Variants in PTPRN2 observed in about 807,000 individuals in gnomAD.
The protein encoded by PTPRN2 is receptor-type tyrosine-protein phosphatase N2.
In PTPRN2, 74 loss-of-function variants were observed where a neutral mutation model predicts 118.8. The observed-to-expected ratio is 0.62, with a 90% CI of 0.52 to 0.76. The LOEUF (loss-of-function observed/expected upper bound fraction) is 0.76. Among genes scored for constraint, PTPRN2 ranks in the 30% least tolerant of loss-of-function variants. The pLI, the probability that PTPRN2 is intolerant of heterozygous loss-of-function variation, is 0.00. For synonymous variants in PTPRN2, 641 were observed against 608.0 expected, an observed-to-expected ratio of 1.05 and a Z score of -0.80; for missense variants, 1,481 against 1,394.4, an observed-to-expected ratio of 1.06 and a Z score of -0.99.
chr7:158,430,887 A>AC (rs1488417061), intron 2 of PTPRN2, among the ~76,000 whole-genome samples: 1 of 151,692 alleles, frequency 6.6e-6, no homozygotes, highest in South Asian at 2.1e-4. Flanking sequence ...CTGGACGGAG[A>AC]CCCCCAGGCA....
intron 2 of PTPRN2, among the ~76,000 whole-genome samples, chr7:158,452,011 A>C (rs1053740483): frequency 6.6e-6 from 1 of 152,182 alleles, no homozygotes; most frequent in Non-Finnish European, 1.5e-5. Context: ...CCAAATCATT[A>C]CTGAATAATA....
chr7:157,557,552 C>A (rs6962994), intron 21 of PTPRN2, among the ~76,000 whole-genome samples: 2 of 149,626 alleles, frequency 1.3e-5, no homozygotes, highest in South Asian at 2.1e-4. Flanking sequence ...ACACACACTC[C>A]CACACACACA....
chr7:158,317,126 C>T (rs965897029), intron 2 of PTPRN2, among the ~76,000 whole-genome samples, 194 bp from the exon 3 acceptor site: 4 of 152,064 alleles, frequency 2.6e-5, no homozygotes, highest in East Asian at 1.9e-4. Flanking sequence ...CCGAGCATCA[C>T]GGAAAACACA....
At chr7:157,790,113 G>GGT (rs1288307652) in intron 12 of PTPRN2, among the ~76,000 whole-genome samples, 4 of 139,782 alleles carry the variant, frequency 2.9e-5, no homozygotes, top group African/African-American at 1.1e-4. Flanking sequence ...TGTGTATGGT[G>GGT]GTGTGTGTGT....
rs979654589 is a variant in PTPRN2 at position 157,800,951 on chromosome 7, CA to C, written c.1788+97721del. Among the ~76,000 whole-genome samples, 9 of 148,514 alleles carry C rather than the reference CA, an allele frequency of 6.1e-5. No homozygotes were observed. In the South Asian group the frequency reaches 6.4e-4, roughly 11 times the overall value. On this transcript the variant is annotated intron_variant, in intron 12 of 22. Coordinates refer to ENST00000389418, the MANE Select transcript of PTPRN2 (RefSeq NM_002847.5). Reference sequence around the variant, plus strand: ...TGGGCAACAGAGAGAGACTCCGTTTCAAAAAAAATATATATATACATATATA... The same window carrying C: ...TGGGCAACAGAGAGAGACTCCGTTTCAAAAAAATATATATATACATATATA...
intron 12 of PTPRN2, among the ~76,000 whole-genome samples, chr7:157,699,824 C>G (rs1008342574): frequency 6.6e-6 from 1 of 152,192 alleles, no homozygotes; most frequent in African/African-American, 2.4e-5. Context: ...GTGACTCACC[C>G]TCAGCTGCCA....
intron 14 of PTPRN2, among the ~76,000 whole-genome samples, chr7:157,624,068 G>A (rs1028769669): frequency 6.6e-6 from 1 of 152,136 alleles, no homozygotes; most frequent in Non-Finnish European, 1.5e-5. Flanking sequence ...TACCACGGGA[G>A]CTTAGTACAG....
At chr7:158,571,106 CT>C (rs1171003834) in intron 1 of PTPRN2, among the ~76,000 whole-genome samples, 1 of 152,140 alleles carries the variant, frequency 6.6e-6, no homozygotes, top group Non-Finnish European at 1.5e-5. Flanking sequence ...TTTCCAAGCC[CT>C]GTGGCAAGGC....
rs1376498381 is a variant in PTPRN2, at chr7:158,171,340, TATATATATAC to T, written c.550-4059_550-4050del. 2.2e-4 allele frequency among the ~76,000 whole-genome samples: 26 copies of T among 120,358 alleles called. 3 individuals are homozygous for T. The highest frequency in any genetic ancestry group is 9.0e-4 in the African/African-American group (26 of 29,000). 79.0% of individuals were successfully genotyped at this position (120,358 alleles called of 152,430 possible). On this transcript the variant is annotated intron_variant, in intron 5 of 22. Transcript: ENST00000389418. Reference sequence around the variant, plus strand: ...ATATATATATATATATATATATATATATATATATACACACACACATTTTTTTAAGACATAG... The same window carrying T: ...ATATATATATATATATATATATATATACACACACATTTTTTTAAGACATAG...
chr7:158,241,105 A>G (rs1170668974), intron 3 of PTPRN2, among the ~76,000 whole-genome samples: 1 of 152,254 alleles, frequency 6.6e-6, no homozygotes, highest in East Asian at 1.9e-4. Context: ...GAAGCATCAA[A>G]GTGTTCTTGG....
At chr7:158,325,004 G>T (rs149471993) in intron 2 of PTPRN2, among the ~76,000 whole-genome samples, 2 of 151,326 alleles carry the variant, frequency 1.3e-5, no homozygotes, top group Non-Finnish European at 2.9e-5. Context: ...CACTCACTGC[G>T]TTACCCCACA....
chr7:158,103,992 G>C (rs1232837654), intron 10 of PTPRN2, among the ~76,000 whole-genome samples: 4 of 151,892 alleles, frequency 2.6e-5, no homozygotes, highest in Non-Finnish European at 5.9e-5. Flanking sequence ...CTCCCAAGTA[G>C]CTGGGATTAC....
Position 157,987,357 on chromosome 7 carries a change from T to C in PTPRN2, c.1724-88620A>G, listed in dbSNP as rs1803880708. Among the ~76,000 whole-genome samples, 1 of 131,398 alleles carries C rather than the reference T, an allele frequency of 7.6e-6. No homozygotes were observed. Among genetic ancestry groups the C allele is most frequent in the African/African-American group, 2.9e-5 (1 of 34,080 alleles). The allele number at this position is 131,398 out of a possible 152,430, so 86.2% of individuals were successfully genotyped here. On this transcript the variant is annotated intron_variant, in intron 11 of 22. Coordinates refer to ENST00000389418, the MANE Select transcript of PTPRN2 (RefSeq NM_002847.5). The surrounding 1 kb of genome is among the most constrained non-coding windows in gnomAD (Gnocchi z 4.3). Reference sequence around the variant, plus strand: ...GAAAGGGGGCGTGATGACCAGTCACTAGTGGGGGTGAGACAACCGGTCACT... The same window carrying C: ...GAAAGGGGGCGTGATGACCAGTCACCAGTGGGGGTGAGACAACCGGTCACT...
At chr7:157,701,859 T>C (rs192593843) in intron 12 of PTPRN2, among the ~76,000 whole-genome samples, 1,897 of 148,394 alleles carry the variant, frequency 0.013, 21 homozygotes, top group Non-Finnish European at 0.021. Flanking sequence ...TCGGTGCTGG[T>C]GTAACTGACA....
At chr7:158,120,264 G>A (rs572897860) in intron 9 of PTPRN2, among the ~76,000 whole-genome samples, 28 of 152,238 alleles carry the variant, frequency 1.8e-4, no homozygotes, top group Admixed American at 6.5e-4. Flanking sequence ...GATGGACAGC[G>A]GTGATGGTTG....
chr7:157,951,365 G>A (rs1982126), intron 11 of PTPRN2, among the ~76,000 whole-genome samples: 32,544 of 152,108 alleles, frequency 0.21, 4,392 homozygotes, highest in Non-Finnish European at 0.31. Flanking sequence ...TAAGAACAGC[G>A]AAGAGAACTG....
rs1166491187 is a variant in PTPRN2 at position 157,845,500 on chromosome 7, C to A, written c.1788+53173G>T. ...TTCCCGACCACACCCTGGTGAACCA[C>A]GCAGCCTAACTCAGCATGTTCCCGG... On this transcript the variant is annotated intron_variant, in intron 12 of 22. Transcript: ENST00000389418. The surrounding 1 kb of genome is among the most constrained non-coding windows in gnomAD (Gnocchi z 4.5). Among the ~76,000 whole-genome samples, 1 of 152,020 alleles carries A rather than the reference C, an allele frequency of 6.6e-6. No individual in the cohort carries two copies. The highest frequency in any genetic ancestry group is 1.5e-5 in the Non-Finnish European group (1 of 68,008).
chr7:158,383,877 T>C (rs1811137731), intron 2 of PTPRN2, among the ~76,000 whole-genome samples: 1 of 152,204 alleles, frequency 6.6e-6, no homozygotes, highest in African/African-American at 2.4e-5. Flanking sequence ...AATAACGTCA[T>C]TAGTATTTTA....
intron 12 of PTPRN2, among the ~76,000 whole-genome samples, chr7:157,699,603 T>A (rs1490914588): frequency 6.6e-6 from 1 of 152,166 alleles, no homozygotes; most frequent in Non-Finnish European, 1.5e-5. Context: ...TTTTTTTGTA[T>A]TTTTAGTAAA....
Sources: allele counts gnomAD v4.1 joint callset (sites outside exome capture counted in the v4.1 genomes callset), GRCh38; gene constraint gnomAD v4.1.1; non-coding constraint Gnocchi (gnomAD v3.1); transcripts MANE v1.5; gene names NCBI Gene and HGNC (gene_info 2026-07-23, HGNC 2026-07-21).